Variants in FNDC3B observed in about 807,000 individuals in gnomAD.
FNDC3B encodes fibronectin type III domain containing 3B, also known as fibronectin type III domain-containing protein 3B.
FNDC3B carries 12 observed loss-of-function variants against 151.5 expected under a neutral mutation model. That is an observed-to-expected ratio of 0.08 (90% CI 0.05 to 0.13). The LOEUF is 0.13. FNDC3B is among the 10% of genes least tolerant of loss of function. FNDC3B has a pLI of 1.00. For missense variants in FNDC3B, 1,214 were observed against 1,505.3 expected (o/e 0.81, Z 3.20); for synonymous variants, 528 against 549.0 (o/e 0.96, Z 0.54).
chr3:172,191,879 G>A (rs1247451865), intron 3 of FNDC3B, among the ~76,000 whole-genome samples: 1 of 152,140 alleles, frequency 6.6e-6, no homozygotes, highest in East Asian at 1.9e-4. Flanking sequence ...TAGCTGATTG[G>A]AGCGCTGTGT....
At chr3:172,330,022 C>T (rs1264528399) in intron 12 of FNDC3B, 2 of 150,766 alleles carry the variant, frequency 1.3e-5, no homozygotes, top group East Asian at 3.8e-4. Flanking sequence ...TGTGCTATAC[C>T]TTCTTTCCAG....
At chr3:172,153,020 A>G (rs772082491) in intron 3 of FNDC3B, among the ~76,000 whole-genome samples, 5 of 152,052 alleles carry the variant, frequency 3.3e-5, no homozygotes, top group Non-Finnish European at 5.9e-5. Flanking sequence ...TGTAGTGACC[A>G]CTTTTCTGTG....
intron 1 of FNDC3B, among the ~76,000 whole-genome samples, chr3:172,073,781 T>C (rs1190047594): frequency 1.3e-5 from 2 of 152,126 alleles, no homozygotes; most frequent in African/African-American, 4.8e-5. Flanking sequence ...TCATTGAACC[T>C]TTACAACTGA....
chr3:172,122,454 G>A (rs1157587931), intron 2 of FNDC3B, among the ~76,000 whole-genome samples: 1 of 152,250 alleles, frequency 6.6e-6, no homozygotes, highest in Non-Finnish European at 1.5e-5. Context: ...ATGCCTCTTA[G>A]TCATTTTCTG....
intron 3 of FNDC3B, among the ~76,000 whole-genome samples, chr3:172,210,315 T>C (rs1031305761): frequency 5.3e-5 from 8 of 152,226 alleles, no homozygotes; most frequent in Admixed American, 5.2e-4. Context: ...ATTGGATTTT[T>C]CTTAAGAGTT....
In FNDC3B at chr3:172,341,201, A is replaced by G. The variant is rs1019452249; in HGVS notation, c.1941A>G (p.Ala647=). The G allele has an allele frequency of 1.2e-6, 2 of 1,614,096 alleles. No homozygotes were observed. The highest frequency in any genetic ancestry group is 1.7e-6 in the Non-Finnish European group (2 of 1,180,024). ...LKPGTLYKLR[A]CCISTGGHSQ... ...CAGGCACTTTGTACAAACTCCGAGC[A>G]TGCTGCATCAGTACCGGCGGACACA... is the stretch of plus-strand genomic sequence containing the variant. Residue 647 remains alanine (A), a synonymous_variant, in exon 17 of 26, where the codon GCA becomes GCG. Transcript: ENST00000415807.
chr3:172,286,870 A>AGAT, intron 7 of FNDC3B, among the ~76,000 whole-genome samples: 1 of 152,274 alleles, frequency 6.6e-6, no homozygotes. Flanking sequence ...AGTGAGAAGA[A>AGAT]GATAGATGCA....
Position 172,251,453 on chromosome 3 carries a change from C to A in FNDC3B, c.702C>A (p.Gly234=). 6.2e-7 allele frequency: 1 copy of A among 1,613,974 alleles called. No individual in the cohort carries two copies. The highest frequency in any genetic ancestry group is 8.5e-7 in the Non-Finnish European group (1 of 1,179,964). The change falls in exon 6 of 26, where the codon GGC becomes GGA. Residue 234 remains glycine (G), a synonymous_variant. Transcript: ENST00000415807. ...GGAAGGGCCATAGTGGTGGAAGTGGCGGAGGCGGCAGCGGTAGTGGTCCCG... is the reference window on the plus strand; with the variant it reads ...GGAAGGGCCATAGTGGTGGAAGTGGAGGAGGCGGCAGCGGTAGTGGTCCCG... ...GYGKGHSGGS[G]GGGSGSGPGI... is the part of the protein sequence containing the mutation.
intron 19 of FNDC3B, 47 bp downstream of exon 19, chr3:172,344,305 A>C: frequency 6.5e-7 from 1 of 1,535,050 alleles, no homozygotes; most frequent in South Asian, 1.2e-5. Context: ...ATGCATAATC[A>C]GAACCCAAAG....
rs561290516 is a variant in FNDC3B at position 172,231,676 on chromosome 3, G to T, written c.264+4729G>T. Among the ~76,000 whole-genome samples the T allele has an allele frequency of 3.9e-5, 6 of 152,174 alleles. No homozygotes were observed. The East Asian group carries it at 9.7e-4, about 24-fold the overall frequency. On this transcript the variant is annotated intron_variant, in intron 4 of 25. Coordinates refer to ENST00000415807, the MANE Select transcript of FNDC3B (RefSeq NM_022763.4). ...ATATGAGGATGCTGACGCCCCGGTTGGAACCAGGATTGCAGCCCATGCATT... is the reference window on the plus strand; with the variant it reads ...ATATGAGGATGCTGACGCCCCGGTTTGAACCAGGATTGCAGCCCATGCATT...
intron 3 of FNDC3B, among the ~76,000 whole-genome samples, chr3:172,213,704 G>A (rs1378686737): frequency 2.0e-5 from 3 of 151,980 alleles, no homozygotes; most frequent in East Asian, 3.8e-4. Context: ...ATCCTAATAC[G>A]GCCTCGGTTT....
At chr3:172,239,408 A>G (rs548344630) in intron 4 of FNDC3B, among the ~76,000 whole-genome samples, 14 of 152,220 alleles carry the variant, frequency 9.2e-5, no homozygotes, top group Non-Finnish European at 1.8e-4. Context: ...TGGCAGCAAT[A>G]AGAAATTCAG....
intron 3 of FNDC3B, among the ~76,000 whole-genome samples, chr3:172,150,176 A>AT (rs1443397737): frequency 6.6e-6 from 1 of 152,020 alleles, no homozygotes; most frequent in Non-Finnish European, 1.5e-5. Flanking sequence ...ATAGCTAGAG[A>AT]TTTTTAAAAA....
chr3:172,041,449 C>G (rs914257862), intron 1 of FNDC3B, among the ~76,000 whole-genome samples: 2 of 139,262 alleles, frequency 1.4e-5, no homozygotes, highest in Non-Finnish European at 3.1e-5. Flanking sequence ...TTCCTTCCTT[C>G]CTTCTCTTCT....
chr3:172,368,882 A>T (rs1418527530), intron 23 of FNDC3B, among the ~76,000 whole-genome samples: 1 of 152,160 alleles, frequency 6.6e-6, no homozygotes, highest in Non-Finnish European at 1.5e-5. Flanking sequence ...ATGGTGGCAG[A>T]TGCCTATAGT....
chr3:172,153,735 G>T (rs1169303377), intron 3 of FNDC3B, among the ~76,000 whole-genome samples: 1 of 152,228 alleles, frequency 6.6e-6, no homozygotes, highest in Non-Finnish European at 1.5e-5. Flanking sequence ...TTTCTTATCA[G>T]CAGGAGTTAC....
chr3:172,380,925 ACT>A lies in FNDC3B; in HGVS notation c.3176-40_3176-39del, dbSNP rs899750210. The stretch of plus-strand genomic sequence containing the variant: ...CTAAAGTGTTGACTATTAACATGAT[ACT>A]TTGAATTTTGAGCTTGGATGTGTGG... On this transcript the variant is annotated intron_variant, in intron 24 of 25. Transcript: ENST00000415807. 1.2e-5 allele frequency: 19 copies of A among 1,606,972 alleles called. No individual in the cohort carries two copies. In the African/African-American group the frequency reaches 2.3e-4, roughly 19 times the overall value.
intron 11 of FNDC3B, 99 bp downstream of exon 11, chr3:172,310,980 CAG>C: frequency 1.2e-6 from 1 of 863,610 alleles, no homozygotes; most frequent in Non-Finnish European, 1.9e-6. Flanking sequence ...ATGCTAAACA[CAG>C]AAAAAAGGAA....
chr3:172,280,861 A>G (rs11922897), intron 6 of FNDC3B, among the ~76,000 whole-genome samples: 1 of 152,054 alleles, frequency 6.6e-6, no homozygotes, highest in African/African-American at 2.4e-5. Context: ...CACATGACAC[A>G]TCTTCCCTCT....
Sources: gnomAD v4.1 joint callset for allele counts (sites outside exome capture counted in the v4.1 genomes callset) on GRCh38, gnomAD v4.1.1 for gene constraint, MANE v1.5 for transcripts, NCBI Gene and HGNC (gene_info 2026-07-23, HGNC 2026-07-21) for gene names.